The following GSDME variants were observed in gnomAD, a reference collection of about 807,000 sequenced individuals.
GSDME encodes the protein gasdermin E, also known as gasdermin-E.
GSDME carries 44 observed loss-of-function variants against 47.5 expected under a neutral mutation model. The observed-to-expected ratio is 0.93, with a 90% CI of 0.73 to 1.19. The LOEUF is 1.19. Ranked by LOEUF, GSDME falls within the 50% of genes most tolerant of loss-of-function variation. The pLI is 0.00. For synonymous variants in GSDME, 258 were observed against 252.8 expected (o/e 1.02, Z -0.20); for missense variants, 663 against 604.2 (o/e 1.10, Z -1.02).
rs1211196327 is a variant in GSDME at position 24,739,603 on chromosome 7, T to C, written c.404+4959A>G. Among the ~76,000 whole-genome samples the C allele has an allele frequency of 5.3e-5, 8 of 152,160 alleles. No individual in the cohort carries two copies. The highest frequency in any genetic ancestry group is 4.4e-5 in the Non-Finnish European group (3 of 68,026). ...CAAAAAACTAAAAATAGAGCTACCA[T>C]ACTATCCAGCATTCCAACTGCTGGA... On this transcript the variant is annotated intron_variant, in intron 3 of 9. Coordinates refer to ENST00000645220, the MANE Select transcript of GSDME (RefSeq NM_001127453.2). The surrounding 1 kb of genome is among the most constrained non-coding windows in gnomAD (Gnocchi z 5.1).
At chr7:24,718,902 G>C (rs1789668412) in intron 4 of GSDME, 145 bp downstream of exon 4, 5 of 897,344 alleles carry the variant, frequency 5.6e-6, no homozygotes, top group African/African-American at 1.7e-5. Context: ...ATACACTCTT[G>C]CTCATTTAAG....
In GSDME at chr7:24,716,844, C is replaced by T. The variant is rs555300859; in HGVS notation, c.697+410G>A. On this transcript the variant is annotated intron_variant, in intron 5 of 9. Coordinates refer to ENST00000645220, the MANE Select transcript of GSDME (RefSeq NM_001127453.2). This position sits in a 1 kb window ranked among gnomAD's most constrained non-coding sequence, Gnocchi z 4.5. ...TTCACACAGCCCTGTGAAGAAATGCCCTTCACCTTCCAGAGACAGGGAAGC... is the reference window on the plus strand; with the variant it reads ...TTCACACAGCCCTGTGAAGAAATGCTCTTCACCTTCCAGAGACAGGGAAGC... 54 of 289,518 alleles carry T rather than the reference C, an allele frequency of 1.9e-4. No individual in the cohort carries two copies. The highest frequency in any genetic ancestry group is 1.1e-3 in the African/African-American group (50 of 46,484). 17.9% of individuals were successfully genotyped at this position (289,518 alleles called of 1,614,324 possible). A position where few individuals can be genotyped will look rare whatever the true frequency, so the allele number is the denominator to read the frequency against.
intron 3 of GSDME, among the ~76,000 whole-genome samples, chr7:24,743,499 A>C (rs1419660752): frequency 1.3e-5 from 2 of 152,180 alleles, no homozygotes; most frequent in African/African-American, 4.8e-5. Flanking sequence ...CCAGTCTCTT[A>C]ACTCAGCAGC....
chr7:24,719,037 C>A lies in GSDME; in HGVS notation c.576+10G>T. On this transcript the variant is annotated intron_variant, in intron 4 of 9. Coordinates refer to ENST00000645220, the MANE Select transcript of GSDME (RefSeq NM_001127453.2). The stretch of plus-strand genomic sequence containing the variant: ...CAGCCATGAACGCAGGGCAGCCCGA[C>A]TGCACGCACCTGCACCGTCTTGGTC... 1 of 1,611,916 alleles carries A rather than the reference C, an allele frequency of 6.2e-7. No homozygotes were observed. Among genetic ancestry groups the A allele is most frequent in the South Asian group, 1.1e-5 (1 of 91,000 alleles).
intron 7 of GSDME, among the ~76,000 whole-genome samples, chr7:24,706,892 C>A (rs1055299007): frequency 3.3e-5 from 5 of 152,220 alleles, no homozygotes; most frequent in African/African-American, 1.2e-4. Flanking sequence ...CAGATCCGAT[C>A]ATCTGAAAGC....
At chr7:24,771,930 T>G in the GSDME span, among the ~76,000 whole-genome samples, 1 of 152,220 alleles carries the variant, frequency 6.6e-6, no homozygotes, top group Non-Finnish European at 1.5e-5. This position sits in a 1 kb window ranked among gnomAD's most constrained non-coding sequence, Gnocchi z 4.1. Context: ...GGTCGTGGCC[T>G]GGCTATTATC....
chr7:24,741,250 C>G (rs1790481717), intron 3 of GSDME, among the ~76,000 whole-genome samples: 1 of 152,058 alleles, frequency 6.6e-6, no homozygotes, highest in African/African-American at 2.4e-5. Flanking sequence ...CAAATGGCAG[C>G]TGACCACGGA....
chr7:24,780,715 A>G, the GSDME span, among the ~76,000 whole-genome samples: 2 of 152,380 alleles, frequency 1.3e-5, no homozygotes, highest in Middle Eastern at 3.4e-3. The surrounding 1 kb of genome is among the most constrained non-coding windows in gnomAD (Gnocchi z 4.1). Context: ...TCAATGCAGT[A>G]TAATTCTCCC....
chr7:24,758,204 GC>G (rs1791104170), upstream of GSDME: 1 of 152,268 alleles, frequency 6.6e-6, no homozygotes. This position sits in a 1 kb window ranked among gnomAD's most constrained non-coding sequence, Gnocchi z 4.6. Context: ...GCGAGGCAGA[GC>G]CAAAATCTCC....
At chr7:24,755,120 G>A (rs1308734003) in intron 1 of GSDME, among the ~76,000 whole-genome samples, 5 of 152,208 alleles carry the variant, frequency 3.3e-5, no homozygotes, top group Non-Finnish European at 1.5e-5. Context: ...AGCCCTATCA[G>A]GGAACTGGCC....
chr7:24,698,680 CTCTT>C lies in GSDME; in HGVS notation c.*342_*345del, dbSNP rs1562680924. 5 of 355,408 alleles carry C rather than the reference CTCTT, an allele frequency of 1.4e-5. No homozygotes were observed. Among genetic ancestry groups the C allele is most frequent in the African/African-American group, 2.1e-5 (1 of 47,364 alleles). The allele number at this position is 355,408 out of a possible 1,614,324, so 22.0% of individuals were successfully genotyped here. On this transcript the variant is annotated 3_prime_UTR_variant, in exon 10 of 10. Coordinates refer to ENST00000645220, the MANE Select transcript of GSDME (RefSeq NM_001127453.2). ...AGACCTTTTGGATTAAAGGGTCAGA[CTCTT>C]TCTATGTAACAAAAAGTGGAATGCA... is the stretch of plus-strand genomic sequence containing the variant.
At chr7:24,769,887 C>T in the GSDME span, among the ~76,000 whole-genome samples, 1 of 152,154 alleles carries the variant, frequency 6.6e-6, no homozygotes, top group Non-Finnish European at 1.5e-5. Context: ...GAAAAGTAGA[C>T]AACATGCAAG....
chr7:24,788,466 C>T, the GSDME span, among the ~76,000 whole-genome samples: 1 of 152,192 alleles, frequency 6.6e-6, no homozygotes, highest in African/African-American at 2.4e-5. The surrounding 1 kb of genome is among the most constrained non-coding windows in gnomAD (Gnocchi z 4.6). Flanking sequence ...GTGACTTCAG[C>T]CTGCTCACAG....
the GSDME span, among the ~76,000 whole-genome samples, chr7:24,779,527 G>GTGTGTGTC: frequency 2.0e-5 from 3 of 151,744 alleles, no homozygotes; most frequent in African/African-American, 7.3e-5. This position sits in a 1 kb window ranked among gnomAD's most constrained non-coding sequence, Gnocchi z 6.0. Context: ...GTGTGTGTGT[G>GTGTGTGTC]TGTCTGTGTG....
Position 24,746,722 on chromosome 7 carries a change from CGAA to C in GSDME, c.212-1971_212-1969del, listed in dbSNP as rs111272975. Among the ~76,000 whole-genome samples, 22 of 152,258 alleles carry C rather than the reference CGAA, an allele frequency of 1.4e-4. 1 individual carries two copies. Among genetic ancestry groups the C allele is most frequent in the African/African-American group, 5.1e-4 (21 of 41,542 alleles). The stretch of plus-strand genomic sequence containing the variant: ...TGAAAAGCCACTCTAGACACACCTC[CGAA>C]GAAGATGTCATTTGTGCACACTTCT... On this transcript the variant is annotated intron_variant, in intron 2 of 9. Transcript: ENST00000645220.
chr7:24,704,377 A>G (rs1789008160), intron 8 of GSDME: 1 of 152,196 alleles, frequency 6.6e-6, no homozygotes, highest in South Asian at 2.1e-4. Flanking sequence ...ATTAGCCAGA[A>G]ACTGGTGTGA....
chr7:24,710,511 C>T (rs1789311107), intron 5 of GSDME, 123 bp from the exon 6 acceptor site: 14 of 898,872 alleles, frequency 1.6e-5, no homozygotes, highest in Non-Finnish European at 2.5e-5. Context: ...AGCAGAAGAC[C>T]CATCCATCTT....
chr7:24,763,024 G>C, the GSDME span, among the ~76,000 whole-genome samples: 1 of 152,174 alleles, frequency 6.6e-6, no homozygotes, highest in South Asian at 2.1e-4. The surrounding 1 kb of genome is among the most constrained non-coding windows in gnomAD (Gnocchi z 4.3). Flanking sequence ...TCGGGTACAG[G>C]ATGCATTCCA....
the GSDME span, among the ~76,000 whole-genome samples, chr7:24,770,858 CA>C: frequency 2.4e-5 from 3 of 126,256 alleles, no homozygotes; most frequent in African/African-American, 9.0e-5. The surrounding 1 kb of genome is among the most constrained non-coding windows in gnomAD (Gnocchi z 4.6). Context: ...AACCAAAAAG[CA>C]AAAAGAAAAA....
Sources: gnomAD v4.1 joint callset for allele counts (sites outside exome capture counted in the v4.1 genomes callset) on GRCh38, gnomAD v4.1.1 for gene constraint, Gnocchi (gnomAD v3.1) non-coding constraint, MANE v1.5 for transcripts, NCBI Gene and HGNC (gene_info 2026-07-23, HGNC 2026-07-21) for gene names.